The following CNN3 variants were observed in gnomAD, a reference collection of about 807,000 sequenced individuals.
CNN3 encodes the protein calponin 3, also known as calponin-3.
In CNN3, 11 loss-of-function variants were observed where a neutral mutation model predicts 39.0. That is an observed-to-expected ratio of 0.28 (90% CI 0.18 to 0.47). The LOEUF is 0.47. Among genes scored for constraint, CNN3 ranks in the 20% least tolerant of loss-of-function variants. The probability of loss-of-function intolerance (pLI) is 0.99; values close to 1 mark genes in which losing one functional copy is unlikely to be tolerated. For missense variants in CNN3, 266 were observed against 403.4 expected (o/e 0.66, Z 2.92); for synonymous variants, 101 against 138.3 (o/e 0.73, Z 1.89).
At chr1:94,911,242 C>T (rs910837328) in intron 1 of CNN3, among the ~76,000 whole-genome samples, 8 of 152,132 alleles carry the variant, frequency 5.3e-5, no homozygotes, top group Admixed American at 4.6e-4. Context: ...AGATTTGATG[C>T]GGAGGAACTA....
chr1:94,912,722 T>C (rs1403715288), intron 1 of CNN3, among the ~76,000 whole-genome samples: 1 of 152,206 alleles, frequency 6.6e-6, no homozygotes, highest in Non-Finnish European at 1.5e-5. Context: ...GATTTAAAGA[T>C]CTATCTTGTT....
chr1:94,926,957 C>G lies in CNN3; in HGVS notation c.-63G>C, dbSNP rs931711312. On this transcript the variant is annotated 5_prime_UTR_variant, in exon 1 of 7. Transcript: ENST00000370206. The surrounding 1 kb of genome is among the most constrained non-coding windows in gnomAD (Gnocchi z 4.2). ...CGGGGTCTCTCGCACTTCGCTTCCC[C>G]GCTCCTGGCCCCGAGGAGTGGCCGC... The G allele has an allele frequency of 1.9e-6, 3 of 1,557,078 alleles. No individual in the cohort carries two copies. The highest frequency in any genetic ancestry group is 2.4e-5 in the East Asian group (1 of 42,382).
In CNN3 at chr1:94,897,722, T is replaced by G; in HGVS notation, c.*20A>C. ...TGAATAAAAACAAAGGACTAAATACTGAGCTCCTTCTGTGTGGATCTAATA... is the reference window on the plus strand; with the variant it reads ...TGAATAAAAACAAAGGACTAAATACGGAGCTCCTTCTGTGTGGATCTAATA... On this transcript the variant is annotated 3_prime_UTR_variant, in exon 7 of 7. Transcript: ENST00000370206. 3.3e-5 allele frequency: 53 copies of G among 1,596,620 alleles called. No individual in the cohort carries two copies. The highest frequency in any genetic ancestry group is 4.4e-5 in the Non-Finnish European group (51 of 1,166,454).
chr1:94,914,137 T>G (rs907822982), intron 1 of CNN3, among the ~76,000 whole-genome samples: 1 of 152,212 alleles, frequency 6.6e-6, no homozygotes, highest in Admixed American at 6.5e-5. Flanking sequence ...TTTGCCACTC[T>G]CCAGATTGTC....
intron 1 of CNN3, among the ~76,000 whole-genome samples, chr1:94,909,017 C>T (rs1671091681): frequency 6.7e-6 from 1 of 150,052 alleles, no homozygotes; most frequent in Non-Finnish European, 1.5e-5. Flanking sequence ...GTGGGTGGCT[C>T]ATGCCTGTAA....
chr1:94,927,010 T>C lies in CNN3; in HGVS notation c.-116A>G, dbSNP rs1671606400. 8.5e-7 allele frequency: 1 copy of C among 1,180,144 alleles called. No homozygotes were observed. 73.1% of individuals were successfully genotyped at this position (1,180,144 alleles called of 1,614,324 possible). On this transcript the variant is annotated 5_prime_UTR_variant, in exon 1 of 7. Transcript: ENST00000370206. ...CGGGGGATGCTCGAACTCCCTCCTCTGGGAGGCGCAGGAGACGGCCGCGGG... is the reference window on the plus strand; with the variant it reads ...CGGGGGATGCTCGAACTCCCTCCTCCGGGAGGCGCAGGAGACGGCCGCGGG...
chr1:94,906,845 A>G (rs1312330628), intron 1 of CNN3, among the ~76,000 whole-genome samples: 1 of 152,268 alleles, frequency 6.6e-6, no homozygotes, highest in African/African-American at 2.4e-5. Flanking sequence ...AAGCAGAAAA[A>G]CATTAAAAGC....
chr1:94,901,046 C>G (rs1264921541), intron 5 of CNN3, among the ~76,000 whole-genome samples: 1 of 152,040 alleles, frequency 6.6e-6, no homozygotes, highest in Non-Finnish European at 1.5e-5. Context: ...AAAGTGAGAT[C>G]CCATCTATAT....
chr1:94,907,636 A>G (rs770201256), intron 1 of CNN3, among the ~76,000 whole-genome samples: 6 of 152,326 alleles, frequency 3.9e-5, no homozygotes, highest in South Asian at 4.1e-4. Context: ...CAAGGTGGGC[A>G]GATCGTGAGG....
chr1:94,904,204 GTTTAAC>G (rs1298917602), intron 1 of CNN3, among the ~76,000 whole-genome samples: 1 of 151,990 alleles, frequency 6.6e-6, no homozygotes, highest in Admixed American at 6.6e-5. Flanking sequence ...CTAAAAGAAA[GTTTAAC>G]TTTTTACTTG....
intron 1 of CNN3, among the ~76,000 whole-genome samples, chr1:94,925,994 CCTAACGCATT>C (rs376605085): frequency 3.8e-4 from 58 of 152,254 alleles, no homozygotes; most frequent in African/African-American, 1.4e-3. Flanking sequence ...TAAAGATAAA[CCTAACGCATT>C]CTTGGGCTCA....
chr1:94,898,450 A>G (rs1377305494), intron 6 of CNN3, among the ~76,000 whole-genome samples: 1 of 152,196 alleles, frequency 6.6e-6, no homozygotes, highest in Non-Finnish European at 1.5e-5. Context: ...ATGCTTCCAC[A>G]CCAGAAAGTT....
In CNN3 at chr1:94,926,995, T is replaced by A; in HGVS notation, c.-101A>T. On this transcript the variant is annotated 5_prime_UTR_variant, in exon 1 of 7. Transcript: ENST00000370206. The surrounding 1 kb of genome is among the most constrained non-coding windows in gnomAD (Gnocchi z 4.2). ...GAGGAGTGGCCGCCGCGGGGGATGCTCGAACTCCCTCCTCTGGGAGGCGCA... is the reference window on the plus strand; with the variant it reads ...GAGGAGTGGCCGCCGCGGGGGATGCACGAACTCCCTCCTCTGGGAGGCGCA... 7.6e-7 allele frequency: 1 copy of A among 1,311,224 alleles called. No homozygotes were observed. The highest frequency in any genetic ancestry group is 2.0e-5 in the Admixed American group (1 of 49,564). The allele number at this position is 1,311,224 out of a possible 1,614,324, so 81.2% of individuals were successfully genotyped here. A position where few individuals can be genotyped will look rare whatever the true frequency, so the allele number is the denominator to read the frequency against.
chr1:94,917,730 T>C (rs1417069434), intron 1 of CNN3, among the ~76,000 whole-genome samples: 2 of 152,170 alleles, frequency 1.3e-5, no homozygotes, highest in African/African-American at 4.8e-5. Context: ...TTCAAAATGG[T>C]TGAACAATAT....
chr1:94,923,415 A>G (rs555359317), intron 1 of CNN3, among the ~76,000 whole-genome samples: 1 of 151,946 alleles, frequency 6.6e-6, no homozygotes, highest in Admixed American at 6.5e-5. Context: ...TGTAAACTCT[A>G]AGTTATTGAT....
chr1:94,925,619 G>A, intron 1 of CNN3: 1 of 985,426 alleles, frequency 1.0e-6, no homozygotes, highest in African/African-American at 1.7e-5. Flanking sequence ...TTTGACAACG[G>A]TGCGCTTCAT....
intron 1 of CNN3, among the ~76,000 whole-genome samples, chr1:94,919,037 G>T (rs1406777980): frequency 4.6e-5 from 7 of 152,110 alleles, no homozygotes; most frequent in Non-Finnish European, 5.9e-5. Flanking sequence ...TGCAGGAAAG[G>T]GTGTCACTAA....
chr1:94,927,039 C>T lies in CNN3; in HGVS notation c.-145G>A, dbSNP rs1671608831. Reference sequence around the variant, plus strand: ...AGGCGCAGGAGACGGCCGCGGGGCGCGGGCGGTGCCTGGGCGACTGGGTCC... The same window carrying T: ...AGGCGCAGGAGACGGCCGCGGGGCGTGGGCGGTGCCTGGGCGACTGGGTCC... On this transcript the variant is annotated 5_prime_UTR_variant, in exon 1 of 7. Transcript: ENST00000370206. 6 of 821,212 alleles carry T rather than the reference C, an allele frequency of 7.3e-6. No homozygotes were observed. Among genetic ancestry groups the T allele is most frequent in the Non-Finnish European group, 9.4e-6 (5 of 532,130 alleles). The allele number at this position is 821,212 out of a possible 1,614,324, so 50.9% of individuals were successfully genotyped here.
chr1:94,926,806 G>T lies in CNN3; in HGVS notation c.57+32C>A. 6.2e-7 allele frequency: 1 copy of T among 1,603,416 alleles called. No individual in the cohort carries two copies. Among genetic ancestry groups the T allele is most frequent in the Non-Finnish European group, 8.5e-7 (1 of 1,174,956 alleles). On this transcript the variant is annotated intron_variant, in intron 1 of 6. Transcript: ENST00000370206. The surrounding 1 kb of genome is among the most constrained non-coding windows in gnomAD (Gnocchi z 4.2). Reference sequence around the variant, plus strand: ...GCCAGGCCAGCCCAAGGGTGCCCCGGGGGCCCCCGCGCCCGCCCGAGCCAG... The same window carrying T: ...GCCAGGCCAGCCCAAGGGTGCCCCGTGGGCCCCCGCGCCCGCCCGAGCCAG...
Sources: allele counts gnomAD v4.1 joint callset (sites outside exome capture counted in the v4.1 genomes callset), GRCh38; gene constraint gnomAD v4.1.1; non-coding constraint Gnocchi (gnomAD v3.1); transcripts MANE v1.5; gene names NCBI Gene and HGNC (gene_info 2026-07-23, HGNC 2026-07-21).